The following ANO6 variants were observed in gnomAD, a reference collection of about 807,000 sequenced individuals.
ANO6 encodes the protein anoctamin 6, also known as anoctamin-6.
A neutral mutation model predicts 117.5 loss-of-function variants in ANO6; 106 were observed. The ratio of observed to expected loss-of-function variants is 0.90; its 90% CI spans 0.77 to 1.06. The LOEUF is 1.06. Among genes scored for constraint, ANO6 ranks in the 50% least tolerant of loss-of-function variants. The pLI, the probability that ANO6 is intolerant of heterozygous loss-of-function variation, is 0.00. For synonymous variants in ANO6, 367 were observed against 385.1 expected (o/e 0.95, Z 0.55); for missense variants, 955 against 1,121.1 (o/e 0.85, Z 2.12).
At chr12:45,274,224 C>T (rs1938477040) in intron 1 of ANO6, among the ~76,000 whole-genome samples, 1 of 152,172 alleles carries the variant, frequency 6.6e-6, no homozygotes, top group Non-Finnish European at 1.5e-5. Context: ...TGGATGACTT[C>T]CACATACTTA....
chr12:45,403,082 G>C lies in ANO6; in HGVS notation c.1623G>C (p.Arg541Ser), dbSNP rs755524250. 1 of 1,613,734 alleles carries C rather than the reference G, an allele frequency of 6.2e-7. No homozygotes were observed. The highest frequency in any genetic ancestry group is 1.3e-5 in the African/African-American group (1 of 74,952). The part of the protein sequence containing the change: ...AIMITNFELP[R>S]TQTDYENSLT... ...TTCTTTTAACTACAGAACTCCCAAG[G>C]ACCCAGACTGATTATGAGAACAGCC... is the stretch of plus-strand genomic sequence containing the variant. Residue 541 changes from arginine to serine, a missense_variant, in exon 14 of 20, where the codon AGG becomes AGC. Transcript: ENST00000320560.
intron 1 of ANO6, among the ~76,000 whole-genome samples, chr12:45,255,609 A>G (rs1391821470): frequency 1.3e-5 from 2 of 152,252 alleles, no homozygotes; most frequent in African/African-American, 4.8e-5. Flanking sequence ...ACTAAGAATC[A>G]TCCCAAAGCC....
chr12:45,315,083 A>G (rs1316639513), intron 2 of ANO6, among the ~76,000 whole-genome samples: 1 of 152,068 alleles, frequency 6.6e-6, no homozygotes, highest in African/African-American at 2.4e-5. Flanking sequence ...GAAGAGAGAA[A>G]GCAATGCTGT....
intron 12 of ANO6, among the ~76,000 whole-genome samples, chr12:45,392,238 T>G (rs1942474039): frequency 6.6e-6 from 1 of 152,216 alleles, no homozygotes; most frequent in Admixed American, 6.5e-5. Flanking sequence ...CCAAGGAGCC[T>G]TCCTGACTGC....
chr12:45,301,337 A>G (rs1413106922), intron 1 of ANO6, among the ~76,000 whole-genome samples: 5 of 152,094 alleles, frequency 3.3e-5, no homozygotes, highest in South Asian at 2.1e-4. Context: ...CATTCCTGTA[A>G]TCTCAGCACG....
chr12:45,393,513 T>C (rs928220330), intron 12 of ANO6, among the ~76,000 whole-genome samples: 5 of 152,020 alleles, frequency 3.3e-5, no homozygotes, highest in African/African-American at 4.8e-5. Flanking sequence ...AGATACTCCT[T>C]GAGAAGAGCA....
At chr12:45,428,655 G>A (rs562179026) in intron 19 of ANO6, among the ~76,000 whole-genome samples, 5 of 152,132 alleles carry the variant, frequency 3.3e-5, no homozygotes, top group South Asian at 4.2e-4. Context: ...TATATTTTGG[G>A]GGTATATATA....
intron 8 of ANO6, among the ~76,000 whole-genome samples, chr12:45,364,593 T>C (rs1941637596): frequency 6.6e-6 from 1 of 152,202 alleles, no homozygotes; most frequent in Admixed American, 6.5e-5. Context: ...GCCCTTCTAA[T>C]GATTTTTTTA....
chr12:45,260,313 T>G (rs1937982172), intron 1 of ANO6, among the ~76,000 whole-genome samples: 1 of 152,190 alleles, frequency 6.6e-6, no homozygotes, highest in African/African-American at 2.4e-5. Context: ...GGCACTCAAG[T>G]AAGAGCTAAT....
chr12:45,376,965 G>A lies in ANO6; in HGVS notation c.1105-1088G>A, dbSNP rs557614948. On this transcript the variant is annotated intron_variant, in intron 9 of 19. Transcript: ENST00000320560. ...TCACAATCAATGTGGACGATTGAGG[G>A]GGCCTTGAAAATTAGATGGATGAGA... Among the ~76,000 whole-genome samples the A allele has an allele frequency of 3.9e-5, 6 of 152,082 alleles. No homozygotes were observed. The South Asian group carries it at 1.2e-3, about 32-fold the overall frequency.
At chr12:45,326,336 A>G (rs1940465426) in intron 2 of ANO6, among the ~76,000 whole-genome samples, 1 of 152,228 alleles carries the variant, frequency 6.6e-6, no homozygotes, top group African/African-American at 2.4e-5. Context: ...TTACTTATAT[A>G]AAACACAAGA....
At chr12:45,276,512 T>C (rs1938560292) in intron 1 of ANO6, among the ~76,000 whole-genome samples, 1 of 152,174 alleles carries the variant, frequency 6.6e-6, no homozygotes, top group African/African-American at 2.4e-5. Context: ...CTCTTTTTTT[T>C]AGCCCTGCAT....
At chr12:45,314,315 A>G (rs1229273614) in intron 2 of ANO6, among the ~76,000 whole-genome samples, 1 of 151,866 alleles carries the variant, frequency 6.6e-6, no homozygotes, top group Admixed American at 6.6e-5. Context: ...TTTAAGAATC[A>G]TTGCCTTAGA....
intron 8 of ANO6, among the ~76,000 whole-genome samples, chr12:45,366,115 G>GTT (rs5797942): frequency 3.7e-5 from 5 of 134,644 alleles, no homozygotes; most frequent in Non-Finnish European, 6.4e-5. Flanking sequence ...TGTTACTTGG[G>GTT]TTTTTTTTTT....
At chr12:45,287,310 G>A (rs1210087236) in intron 1 of ANO6, among the ~76,000 whole-genome samples, 6 of 152,244 alleles carry the variant, frequency 3.9e-5, no homozygotes, top group South Asian at 2.1e-4. Flanking sequence ...TGTGAGCTCC[G>A]GGGTTCACAT....
chr12:45,288,239 A>G (rs1369880570), intron 1 of ANO6, among the ~76,000 whole-genome samples: 1 of 152,218 alleles, frequency 6.6e-6, no homozygotes, highest in South Asian at 2.1e-4. Context: ...TGCAATACAC[A>G]TAATCTAAAA....
chr12:45,396,661 A>G (rs944728506), intron 12 of ANO6, among the ~76,000 whole-genome samples: 3 of 152,222 alleles, frequency 2.0e-5, no homozygotes, highest in African/African-American at 7.2e-5. Context: ...AACAGAACGG[A>G]GGCCTCAGAA....
intron 1 of ANO6, among the ~76,000 whole-genome samples, chr12:45,284,687 G>A (rs987235351): frequency 5.3e-5 from 8 of 152,146 alleles, no homozygotes; most frequent in African/African-American, 1.7e-4. Flanking sequence ...GCCTTCACAC[G>A]TAAAATACCT....
At chr12:45,235,454 A>C (rs537245701) in intron 1 of ANO6, among the ~76,000 whole-genome samples, 1 of 152,310 alleles carries the variant, frequency 6.6e-6, no homozygotes, top group Admixed American at 6.5e-5. Context: ...TCAAATGTTT[A>C]CTGCAATGTG....
Sources: allele counts gnomAD v4.1 joint callset (sites outside exome capture counted in the v4.1 genomes callset), GRCh38; gene constraint gnomAD v4.1.1; transcripts MANE v1.5; gene names NCBI Gene and HGNC (gene_info 2026-07-23, HGNC 2026-07-21).